RAPGEF6: variants seen among roughly 807,000 people sequenced by gnomAD.
The protein encoded by RAPGEF6 is PDZ domain containing guanine nucleotide exchange factor (GEF) 2.
RAPGEF6 carries 56 observed loss-of-function variants against 171.4 expected under a neutral mutation model. That is an observed-to-expected ratio of 0.33 (90% CI 0.26 to 0.41). The LOEUF is 0.41. Ranked by LOEUF, RAPGEF6 falls within the 10% of genes least tolerant of loss-of-function variation. RAPGEF6 has a pLI of 1.00. For synonymous variants in RAPGEF6, 692 were observed against 650.1 expected (o/e 1.06, Z -0.98); for missense variants, 1,674 against 1,921.4 (o/e 0.87, Z 2.41).
chr5:131,449,342 C>A (rs1752913501), intron 21 of RAPGEF6, among the ~76,000 whole-genome samples: 1 of 152,094 alleles, frequency 6.6e-6, no homozygotes, highest in African/African-American at 2.4e-5. Flanking sequence ...GTAAAAATTT[C>A]AAATAAAATT....
intron 1 of RAPGEF6, among the ~76,000 whole-genome samples, chr5:131,614,616 C>T (rs1765157830): frequency 6.6e-6 from 1 of 152,222 alleles, no homozygotes; most frequent in Non-Finnish European, 1.5e-5. Context: ...GGTCCCTCCC[C>T]CATCACTGGG....
chr5:131,518,157 T>G (rs1279690516), intron 7 of RAPGEF6, among the ~76,000 whole-genome samples: 1 of 151,982 alleles, frequency 6.6e-6, no homozygotes, highest in South Asian at 2.1e-4. Flanking sequence ...TACAGGTATA[T>G]ATATTTATTT....
intron 5 of RAPGEF6, among the ~76,000 whole-genome samples, chr5:131,558,195 TTGTG>T (rs1352288213): frequency 6.6e-6 from 1 of 151,792 alleles, no homozygotes; most frequent in Admixed American, 6.5e-5. Flanking sequence ...GATCTTCTGT[TTGTG>T]TGTGTATATG....
chr5:131,462,507 C>G (rs1443711011), intron 18 of RAPGEF6, among the ~76,000 whole-genome samples: 2 of 152,142 alleles, frequency 1.3e-5, no homozygotes, highest in Non-Finnish European at 2.9e-5. Flanking sequence ...TTAAAAATCT[C>G]TATTCAGAAG....
At chr5:131,493,933 T>C (rs1756459356) in intron 13 of RAPGEF6, among the ~76,000 whole-genome samples, 1 of 152,220 alleles carries the variant, frequency 6.6e-6, no homozygotes, top group African/African-American at 2.4e-5. Context: ...CCATTTTGTA[T>C]AGAGCACATG....
At chr5:131,588,541 G>A (rs1039117445) in intron 4 of RAPGEF6, among the ~76,000 whole-genome samples, 3 of 152,024 alleles carry the variant, frequency 2.0e-5, no homozygotes, top group African/African-American at 7.3e-5. Context: ...TCAAGAGGTC[G>A]AGACCAGCCT....
At chr5:131,474,178 A>C (rs1754939474) in intron 16 of RAPGEF6, among the ~76,000 whole-genome samples, 2 of 152,168 alleles carry the variant, frequency 1.3e-5, no homozygotes, top group African/African-American at 4.8e-5. Flanking sequence ...TTAAAATGAG[A>C]ATAGGGCGGG....
intron 7 of RAPGEF6, among the ~76,000 whole-genome samples, chr5:131,520,107 G>C (rs1485441003): frequency 6.6e-6 from 1 of 152,182 alleles, no homozygotes; most frequent in Non-Finnish European, 1.5e-5. Context: ...TATTGTCTTT[G>C]TTCCATTTTG....
At chr5:131,599,997 G>A (rs1325984368) in intron 3 of RAPGEF6, among the ~76,000 whole-genome samples, 1 of 151,930 alleles carries the variant, frequency 6.6e-6, no homozygotes, top group African/African-American at 2.4e-5. Flanking sequence ...GTCAAGTTTT[G>A]GTACTGTTTT....
intron 4 of RAPGEF6, among the ~76,000 whole-genome samples, chr5:131,587,762 C>T (rs1763342163): frequency 6.6e-6 from 1 of 152,138 alleles, no homozygotes; most frequent in South Asian, 2.1e-4. Flanking sequence ...GAAAGTAGAA[C>T]TCCTCTTCCC....
In RAPGEF6 at chr5:131,505,517, G is replaced by A. The variant is rs778488089; in HGVS notation, c.948C>T (p.Asp316=). 2 of 1,612,328 alleles carry A rather than the reference G, an allele frequency of 1.2e-6. No individual in the cohort carries two copies. The highest frequency in any genetic ancestry group is 1.7e-6 in the Non-Finnish European group (2 of 1,179,144). The stretch of plus-strand genomic sequence containing the variant: ...TGCCGTTTAAAATAACATACCATGA[G>A]TCAAGCTATAGAGAAAAACAAAGGT... ...AIILEDGQEL[D]SWYVILNGTV... The change falls in exon 10 of 28, where the codon GAC becomes GAT. Residue 316 remains aspartate, a synonymous_variant. Coordinates refer to ENST00000509018, the MANE Select transcript of RAPGEF6 (RefSeq NM_016340.6).
intron 22 of RAPGEF6, 90 bp downstream of exon 22, chr5:131,446,393 A>T: frequency 7.9e-7 from 1 of 1,265,394 alleles, no homozygotes; most frequent in Non-Finnish European, 1.1e-6. Flanking sequence ...GTGAAAGTTA[A>T]TTTTCTTGGG....
At chr5:131,500,900 C>CTGAA (rs57743817) in intron 11 of RAPGEF6, among the ~76,000 whole-genome samples, 118,112 of 151,578 alleles carry the variant, frequency 0.78, 46,345 homozygotes, top group African/African-American at 0.83. Flanking sequence ...AAGAAATGAA[C>CTGAA]TGAATGAAGA....
intron 6 of RAPGEF6, among the ~76,000 whole-genome samples, chr5:131,524,909 C>A (rs1161943132): frequency 6.6e-6 from 1 of 152,166 alleles, no homozygotes; most frequent in African/African-American, 2.4e-5. Context: ...AGCCACCTTG[C>A]CTGGCCAAGG....
chr5:131,578,313 T>C (rs1762724555), intron 4 of RAPGEF6, among the ~76,000 whole-genome samples: 1 of 152,162 alleles, frequency 6.6e-6, no homozygotes, highest in South Asian at 2.1e-4. Flanking sequence ...CCAATCCTTC[T>C]CTAGCAAAGA....
At chr5:131,620,279 C>T (rs951454955) in intron 1 of RAPGEF6, among the ~76,000 whole-genome samples, 2 of 152,222 alleles carry the variant, frequency 1.3e-5, no homozygotes, top group African/African-American at 4.8e-5. Context: ...ATAGCTTCAA[C>T]TATCACATAT....
intron 1 of RAPGEF6, among the ~76,000 whole-genome samples, chr5:131,607,764 CAT>C (rs1764697198): frequency 6.6e-6 from 1 of 152,106 alleles, no homozygotes; most frequent in Admixed American, 6.6e-5. Context: ...AAAGATATGC[CAT>C]TTCAGTGAAG....
intron 4 of RAPGEF6, 43 bp downstream of exon 4, chr5:131,592,340 T>C: frequency 6.3e-7 from 1 of 1,599,726 alleles, no homozygotes; most frequent in Non-Finnish European, 8.5e-7. Flanking sequence ...TACAAAATAG[T>C]TTAACATTAA....
At chr5:131,558,534 T>C (rs907746677) in intron 5 of RAPGEF6, among the ~76,000 whole-genome samples, 1 of 152,218 alleles carries the variant, frequency 6.6e-6, no homozygotes, top group African/African-American at 2.4e-5. Context: ...TTACTATTCA[T>C]ATGCTGCTCT....
Sources: allele counts gnomAD v4.1 joint callset (sites outside exome capture counted in the v4.1 genomes callset), GRCh38; gene constraint gnomAD v4.1.1; transcripts MANE v1.5; gene names NCBI Gene and HGNC (gene_info 2026-07-23, HGNC 2026-07-21).